ZNF804B: variants seen among roughly 807,000 people sequenced by gnomAD.
The protein encoded by ZNF804B is zinc finger 804B.
A neutral mutation model predicts 101.4 loss-of-function variants in ZNF804B; 80 were observed. That is an observed-to-expected ratio of 0.79 (90% confidence interval 0.66 to 0.95). ZNF804B has a LOEUF of 0.95. Ranked by LOEUF, ZNF804B falls within the 40% of genes least tolerant of loss-of-function variation. The pLI is 0.00. For synonymous variants in ZNF804B, 622 were observed against 558.8 expected, an observed-to-expected ratio of 1.11 and a Z score of -1.59; for missense variants, 1,673 against 1,561.9, an observed-to-expected ratio of 1.07 and a Z score of -1.20.
chr7:89,336,406 C>T lies in ZNF804B; in HGVS notation c.3424C>T (p.Pro1142Ser), dbSNP rs182369154. The T allele has an allele frequency of 1.9e-6, 3 of 1,614,086 alleles. No homozygotes were observed. Among genetic ancestry groups the T allele is most frequent in the Admixed American group, 1.7e-5 (1 of 59,996 alleles). ...LEMCHKSISP[P>S]LIQQPITFSP... ...AATGTGTCATAAATCTATCTCTCCC[C>T]CTTTAATTCAACAGCCCATAACATT... The change falls in exon 4 of 4, where the codon CCT (proline) becomes TCT (serine). Residue 1142 changes from proline (P) to serine (S), a missense_variant. Pro to Ser is a moderately conservative substitution (Grantham distance 74, BLOSUM62 -1). Transcript: ENST00000333190.
intron 1 of ZNF804B, among the ~76,000 whole-genome samples, chr7:88,792,807 T>C (rs1166319767): frequency 6.6e-6 from 1 of 152,110 alleles, no homozygotes; most frequent in South Asian, 2.1e-4. Context: ...GAAACTTCAG[T>C]TAAAACTGAA....
At chr7:88,954,554 T>TA (rs1347097654) in intron 1 of ZNF804B, among the ~76,000 whole-genome samples, 1 of 78,554 alleles carries the variant, frequency 1.3e-5, no homozygotes, top group Non-Finnish European at 3.2e-5. Context: ...TTCTAAAACA[T>TA]GCCCCCCCCC....
chr7:89,042,961 C>A (rs140730548), intron 1 of ZNF804B, among the ~76,000 whole-genome samples: 2 of 152,230 alleles, frequency 1.3e-5, no homozygotes, highest in East Asian at 3.9e-4. Flanking sequence ...ATAAGCTATT[C>A]TTTTTTAACA....
chr7:88,774,392 G>A lies in ZNF804B; in HGVS notation c.108+14308G>A, dbSNP rs7341493. Among the ~76,000 whole-genome samples the A allele has an allele frequency of 6.4e-3, 969 of 151,980 alleles. 12 individuals are homozygous for A. The highest frequency in any genetic ancestry group is 0.023 in the African/African-American group (936 of 41,446). On this transcript the variant is annotated intron_variant, in intron 1 of 3. Coordinates refer to ENST00000333190, the MANE Select transcript of ZNF804B (RefSeq NM_181646.5). ...AGATGTAAGACTGAGAGGAAAGAAAGCAATAGAGCACTAGATTGGACCTGG... is the reference window on the plus strand; with the variant it reads ...AGATGTAAGACTGAGAGGAAAGAAAACAATAGAGCACTAGATTGGACCTGG...
chr7:89,193,202 C>A (rs1479121569), intron 1 of ZNF804B, among the ~76,000 whole-genome samples: 1 of 150,720 alleles, frequency 6.6e-6, no homozygotes, highest in East Asian at 2.0e-4. Flanking sequence ...GAGAGGAAGT[C>A]AAACCATCTT....
chr7:88,777,211 T>G (rs1408303647), intron 1 of ZNF804B, among the ~76,000 whole-genome samples: 1 of 152,204 alleles, frequency 6.6e-6, no homozygotes, highest in Non-Finnish European at 1.5e-5. Flanking sequence ...GCTGCCATAA[T>G]GATGCTGGTA....
Position 89,222,319 on chromosome 7 carries a change from C to T in ZNF804B, c.249+4024C>T, listed in dbSNP as rs144907228. Among the ~76,000 whole-genome samples the T allele has an allele frequency of 3.8e-3, 577 of 151,990 alleles. 3 individuals carry two copies. The highest frequency in any genetic ancestry group is 0.013 in the African/African-American group (553 of 41,514). On this transcript the variant is annotated intron_variant, in intron 2 of 3. Transcript: ENST00000333190. ...ATTTTTCATTTTGCATTCTCATTTC[C>T]ACCATCATAATTAATCTCACTTCTA...
chr7:88,927,238 C>G (rs1204307806), intron 1 of ZNF804B, among the ~76,000 whole-genome samples: 1 of 152,072 alleles, frequency 6.6e-6, no homozygotes, highest in African/African-American at 2.4e-5. Context: ...ATACTGTTAA[C>G]TACTCTGATT....
chr7:88,814,721 AGTT>A (rs1382137977), intron 1 of ZNF804B, among the ~76,000 whole-genome samples: 2 of 152,118 alleles, frequency 1.3e-5, no homozygotes, highest in Admixed American at 6.6e-5. Context: ...GCCTACCTAA[AGTT>A]GTTGTGTAGA....
chr7:89,248,849 A>T (rs867626878), intron 2 of ZNF804B, among the ~76,000 whole-genome samples: 3 of 152,250 alleles, frequency 2.0e-5, no homozygotes, highest in Admixed American at 1.3e-4. Flanking sequence ...AGCTGAATTT[A>T]AAAAAAGCAC....
At chr7:89,004,405 G>T (rs1788340331) in intron 1 of ZNF804B, among the ~76,000 whole-genome samples, 1 of 151,870 alleles carries the variant, frequency 6.6e-6, no homozygotes, top group South Asian at 2.1e-4. Context: ...ATATAGAACA[G>T]TTGAATTACT....
At chr7:88,863,230 CG>C (rs1286021745) in intron 1 of ZNF804B, among the ~76,000 whole-genome samples, 1 of 152,162 alleles carries the variant, frequency 6.6e-6, no homozygotes, top group African/African-American at 2.4e-5. Context: ...CCCCTGCCCC[CG>C]AACCCTACCT....
At position 89,335,827 on chromosome 7, in the gene ZNF804B, A is replaced by G. The variant is rs6962993; in HGVS notation, c.2845A>G (p.Asn949Asp). The G allele has an allele frequency of 0.053, 84,968 of 1,613,974 alleles. 2,459 individuals carry two copies. Among genetic ancestry groups the G allele is most frequent in the Middle Eastern group, 0.1 (623 of 6,060 alleles). ...EQSSNVEISS[N>D]SCKSELEAPS... is the part of the protein sequence containing the mutation. ...ATCAAGTAATGTTGAGATCTCTTCAAACAGTTGTAAAAGTGAATTAGAGGC... is the reference window on the plus strand; with the variant it reads ...ATCAAGTAATGTTGAGATCTCTTCAGACAGTTGTAAAAGTGAATTAGAGGC... Residue 949 changes from asparagine (N) to aspartate (D), a missense_variant, in exon 4 of 4, where the codon AAC becomes GAC. Physicochemically the swap from Asn to Asp is conservative, Grantham distance 23 (BLOSUM62 1). Coordinates refer to ENST00000333190, the MANE Select transcript of ZNF804B (RefSeq NM_181646.5).
chr7:88,880,516 A>C (rs1180998642), intron 1 of ZNF804B, among the ~76,000 whole-genome samples: 1 of 152,194 alleles, frequency 6.6e-6, no homozygotes, highest in Non-Finnish European at 1.5e-5. Context: ...CTTGTAATTT[A>C]AACATTACTG....
chr7:88,812,880 G>T (rs1041367725), intron 1 of ZNF804B, among the ~76,000 whole-genome samples: 9 of 151,936 alleles, frequency 5.9e-5, no homozygotes, highest in Admixed American at 2.0e-4. Context: ...AAAGTAGAAT[G>T]GTGGTTACTA....
chr7:89,148,542 G>C (rs1488804431), intron 1 of ZNF804B, among the ~76,000 whole-genome samples: 1 of 151,956 alleles, frequency 6.6e-6, no homozygotes, highest in Non-Finnish European at 1.5e-5. Context: ...ACTATTTGAA[G>C]TTATTCTAAA....
chr7:89,334,278 T>C lies in ZNF804B; in HGVS notation c.1296T>C (p.Cys432=), dbSNP rs1315392619. ...TTCAAAGACTTGTAAAAGAAGCATG[T>C]ACCCATAATGTGGCATCTAAACCAC... The part of the protein sequence containing the change: ...KNVQRLVKEA[C]THNVASKPLP... The change falls in exon 4 of 4, where the codon TGT becomes TGC. Residue 432 remains cysteine, a synonymous_variant. Coordinates refer to ENST00000333190, the MANE Select transcript of ZNF804B (RefSeq NM_181646.5). 6.2e-7 allele frequency: 1 copy of C among 1,613,836 alleles called. No individual in the cohort carries two copies. Among genetic ancestry groups the C allele is most frequent in the Non-Finnish European group, 8.5e-7 (1 of 1,179,846 alleles).
chr7:89,143,974 A>G (rs1261157781), intron 1 of ZNF804B, among the ~76,000 whole-genome samples: 3 of 151,996 alleles, frequency 2.0e-5, no homozygotes, highest in African/African-American at 7.2e-5. Context: ...ATTCTCTCCA[A>G]TAATATTAGC....
rs552606516 is a variant in ZNF804B, at chr7:88,898,147, C to T, written c.108+138063C>T. Among the ~76,000 whole-genome samples, 6 of 119,502 alleles carry T rather than the reference C, an allele frequency of 5.0e-5. No individual in the cohort carries two copies. In the South Asian group the frequency reaches 1.2e-3, roughly 23 times the overall value. The allele number at this position is 119,502 out of a possible 152,430, so 78.4% of individuals were successfully genotyped here. ...TGTAGCCCAGGCTCTAGTGCAATGGCGGGATCTCGGCTCACTGCAAGCTCC... is the reference window on the plus strand; with the variant it reads ...TGTAGCCCAGGCTCTAGTGCAATGGTGGGATCTCGGCTCACTGCAAGCTCC... On this transcript the variant is annotated intron_variant, in intron 1 of 3. Transcript: ENST00000333190.
Sources: gnomAD v4.1 joint callset for allele counts (sites outside exome capture counted in the v4.1 genomes callset) on GRCh38, gnomAD v4.1.1 for gene constraint, MANE v1.5 for transcripts, NCBI Gene and HGNC (gene_info 2026-07-23, HGNC 2026-07-21) for gene names.